The following TNFSF13B variants were observed in gnomAD, a reference collection of about 807,000 sequenced individuals.
The protein encoded by TNFSF13B is TNF superfamily member 13b.
In TNFSF13B, 8 loss-of-function variants were observed where a neutral mutation model predicts 29.1. The ratio of observed to expected loss-of-function variants is 0.27; its 90% CI spans 0.16 to 0.50. The LOEUF (loss-of-function observed/expected upper bound fraction) is 0.50, where lower values mean the gene tolerates loss of function less well. Ranked by LOEUF, TNFSF13B falls within the 20% of genes least tolerant of loss-of-function variation. The probability of loss-of-function intolerance (pLI) is 0.98; values close to 1 mark genes in which losing one functional copy is unlikely to be tolerated. For synonymous variants in TNFSF13B, 125 were observed against 130.8 expected, an observed-to-expected ratio of 0.96 and a Z score of 0.30; for missense variants, 248 against 334.9, an observed-to-expected ratio of 0.74 and a Z score of 2.03.
intron 2 of TNFSF13B, among the ~76,000 whole-genome samples, chr13:108,278,712 C>T (rs569098981): frequency 9.3e-5 from 14 of 149,958 alleles, no homozygotes; most frequent in Non-Finnish European, 1.6e-4. Context: ...TCCTCCCCTT[C>T]TCTTCCTCCT....
chr13:108,280,865 A>G (rs961899215), intron 2 of TNFSF13B, among the ~76,000 whole-genome samples: 1 of 152,094 alleles, frequency 6.6e-6, no homozygotes, highest in Admixed American at 6.6e-5. Context: ...TGTCTATACA[A>G]ACACACACAC....
At chr13:108,303,797 T>C (rs1881695460) in intron 5 of TNFSF13B, among the ~76,000 whole-genome samples, 193 bp downstream of exon 5, 1 of 152,178 alleles carries the variant, frequency 6.6e-6, no homozygotes, top group African/African-American at 2.4e-5. Flanking sequence ...GATGGAATTA[T>C]TACTAATAGT....
At chr13:108,280,671 T>C (rs562805988) in intron 2 of TNFSF13B, among the ~76,000 whole-genome samples, 7 of 151,670 alleles carry the variant, frequency 4.6e-5, no homozygotes, top group Admixed American at 1.3e-4. Context: ...AAAATTAAAA[T>C]ATTAGATGAA....
intron 2 of TNFSF13B, among the ~76,000 whole-genome samples, chr13:108,285,414 ACACAAAC>A (rs1881097496): frequency 6.6e-6 from 1 of 152,204 alleles, no homozygotes; most frequent in African/African-American, 2.4e-5. Context: ...GAGCATACTT[ACACAAAC>A]CTAGGTGGTG....
At chr13:108,285,155 C>T (rs1881087561) in intron 2 of TNFSF13B, among the ~76,000 whole-genome samples, 1 of 152,042 alleles carries the variant, frequency 6.6e-6, no homozygotes, top group Admixed American at 6.6e-5. Context: ...GTTAGAAAAG[C>T]TTTATAGTTA....
chr13:108,306,689 G>C (rs1239444201), intron 5 of TNFSF13B, 137 bp from the exon 6 acceptor site: 4 of 548,968 alleles, frequency 7.3e-6, no homozygotes, highest in Non-Finnish European at 9.5e-6. Context: ...CAATGGTTTA[G>C]AAGTCCGTTG....
At chr13:108,300,687 A>C (rs886512583) in intron 3 of TNFSF13B, among the ~76,000 whole-genome samples, 3 of 152,238 alleles carry the variant, frequency 2.0e-5, no homozygotes, top group Non-Finnish European at 4.4e-5. Flanking sequence ...TGTGTTAACT[A>C]TTACTATACA....
chr13:108,285,212 A>AAGG (rs10660930), intron 2 of TNFSF13B, among the ~76,000 whole-genome samples: 148,916 of 152,270 alleles, frequency 0.98, 72,856 homozygotes, highest in Middle Eastern at 1. Context: ...TTTAAATACC[A>AAGG]AGAATTTCTT....
Position 108,284,293 on chromosome 13 carries a change from C to G in TNFSF13B, c.425-2510C>G, listed in dbSNP as rs555915103. Among the ~76,000 whole-genome samples the G allele has an allele frequency of 3.0e-4, 45 of 152,228 alleles. No homozygotes were observed. The East Asian group carries it at 7.2e-3, about 24-fold the overall frequency. On this transcript the variant is annotated intron_variant, in intron 2 of 5. Transcript: ENST00000375887. Reference sequence around the variant, plus strand: ...GCAGTGAGCTGAGATCGCGCCACTGCACTCCAGCCTGGGCGACAGAGCGAG... The same window carrying G: ...GCAGTGAGCTGAGATCGCGCCACTGGACTCCAGCCTGGGCGACAGAGCGAG...
intron 3 of TNFSF13B, among the ~76,000 whole-genome samples, chr13:108,291,459 A>G (rs1881309925): frequency 6.6e-6 from 1 of 151,966 alleles, no homozygotes; most frequent in Admixed American, 6.6e-5. Context: ...TATTAATATC[A>G]TTACAAAGTG....
At chr13:108,303,711 T>A (rs1329101393) in intron 5 of TNFSF13B, 107 bp downstream of exon 5, 2 of 1,163,928 alleles carry the variant, frequency 1.7e-6, no homozygotes, top group Non-Finnish European at 2.4e-6. Context: ...AAAATACAAA[T>A]AGACAGAAAG....
chr13:108,287,960 T>G (rs943093058), intron 3 of TNFSF13B, among the ~76,000 whole-genome samples: 2 of 152,192 alleles, frequency 1.3e-5, no homozygotes, highest in East Asian at 3.9e-4. Flanking sequence ...AGAGTTTCAG[T>G]GTCGTATAAG....
At chr13:108,285,225 C>T (rs1440979826) in intron 2 of TNFSF13B, among the ~76,000 whole-genome samples, 1 of 151,902 alleles carries the variant, frequency 6.6e-6, no homozygotes, top group African/African-American at 2.4e-5. Flanking sequence ...AATTTCTTAA[C>T]AGATTTTCTT....
At chr13:108,280,865 AACAC>A (rs1477666653) in intron 2 of TNFSF13B, among the ~76,000 whole-genome samples, 1 of 152,094 alleles carries the variant, frequency 6.6e-6, no homozygotes, top group South Asian at 2.1e-4. Context: ...TGTCTATACA[AACAC>A]ACACACACGC....
intron 3 of TNFSF13B, among the ~76,000 whole-genome samples, chr13:108,290,164 C>A (rs756756319): frequency 5.9e-5 from 9 of 152,044 alleles, no homozygotes; most frequent in Non-Finnish European, 8.8e-5. Context: ...GAGATTATAA[C>A]CTGCATTCTT....
intron 2 of TNFSF13B, among the ~76,000 whole-genome samples, chr13:108,279,220 G>A (rs1339829465): frequency 2.6e-5 from 4 of 152,072 alleles, no homozygotes; most frequent in African/African-American, 7.2e-5. Context: ...TAAGTCTGCT[G>A]TAAATCAGAC....
At chr13:108,301,469 A>C (rs1290091060) in intron 3 of TNFSF13B, 3 of 152,250 alleles carry the variant, frequency 2.0e-5, no homozygotes, top group African/African-American at 7.2e-5. Flanking sequence ...TTCAGCATAA[A>C]AATAAGGAAA....
At chr13:108,306,282 A>T (rs1056541226) in intron 5 of TNFSF13B, among the ~76,000 whole-genome samples, 1 of 152,088 alleles carries the variant, frequency 6.6e-6, no homozygotes, top group Non-Finnish European at 1.5e-5. Context: ...TAATGCTTAA[A>T]TCCATAGTCG....
intron 2 of TNFSF13B, among the ~76,000 whole-genome samples, chr13:108,282,533 T>C (rs1880986466): frequency 1.3e-5 from 2 of 152,218 alleles, no homozygotes; most frequent in African/African-American, 4.8e-5. Flanking sequence ...TAAATTACAC[T>C]CTAATTGTGA....
Sources: allele counts gnomAD v4.1 joint callset (sites outside exome capture counted in the v4.1 genomes callset), GRCh38; gene constraint gnomAD v4.1.1; transcripts MANE v1.5; gene names NCBI Gene and HGNC (gene_info 2026-07-23, HGNC 2026-07-21).